NOP2: variants seen among roughly 807,000 people sequenced by gnomAD.
NOP2 encodes the protein 28S rRNA (cytosine(4447)-C(5))-methyltransferase.
In NOP2, 7 loss-of-function variants were observed where a neutral mutation model predicts 72.7. That is an observed-to-expected ratio of 0.10 (90% CI 0.05 to 0.18). NOP2 has a LOEUF of 0.18. NOP2 is among the 10% of genes least tolerant of loss of function. NOP2 has a pLI of 1.00. For missense variants in NOP2, 954 were observed against 1,014.7 expected (o/e 0.94, Z 0.81); for synonymous variants, 387 against 388.0 (o/e 1.00, Z 0.03).
chr12:6,563,137 G>T lies in NOP2; in HGVS notation c.922C>A (p.Arg308=). 1 of 1,597,520 alleles carries T rather than the reference G, an allele frequency of 6.3e-7. No individual in the cohort carries two copies. The highest frequency in any genetic ancestry group is 8.5e-7 in the Non-Finnish European group (1 of 1,172,300). Residue 308 remains arginine (R), a synonymous_variant, in exon 9 of 16, where the codon CGG becomes AGG. Coordinates refer to ENST00000322166, the MANE Select transcript of NOP2 (RefSeq NM_001258308.2). ...GTATTGGTCCGGAGGGTGACGGGCCGAGGCACCTCATTAGCTTCTAAGAAC... is the reference window on the plus strand; with the variant it reads ...GTATTGGTCCGGAGGGTGACGGGCCTAGGCACCTCATTAGCTTCTAAGAAC... ...VEFLEANEVP[R]PVTLRTNTLK...
rs773026498 is a variant in NOP2, at chr12:6,560,711, A to G, written c.1424T>C (p.Val475Ala). The G allele has an allele frequency of 6.2e-7, 1 of 1,613,540 alleles. No individual in the cohort carries two copies. The highest frequency in any genetic ancestry group is 8.5e-7 in the Non-Finnish European group (1 of 1,179,732). The change falls in exon 13 of 16, where the codon GTG becomes GCG. Residue 475 changes from valine (V) to alanine (A), a missense_variant. This residue lies in a region of NOP2 where 187 missense variants were observed against 276.2 expected (regional missense o/e 0.68). Coordinates refer to ENST00000322166, the MANE Select transcript of NOP2 (RefSeq NM_001258308.2). This position sits in a 1 kb window ranked among gnomAD's most constrained non-coding sequence, Gnocchi z 5.0. ...GTGVISKDPA[V>A]KTNKDEKDIL... ...CTGACTCCTCACCTTGTTAGTCTTCACGGCTGGATCCTTGGAGATGACCCC... is the reference window on the plus strand; with the variant it reads ...CTGACTCCTCACCTTGTTAGTCTTCGCGGCTGGATCCTTGGAGATGACCCC...
At position 6,566,730 on chromosome 12, in the gene NOP2, T is replaced by C. The variant is rs779130447; in HGVS notation, c.149+47A>G. ...CTAGAATTAACTCTGTGGTCAAAGATGAGCAGTACCAATTTAACCTACTTA... is the reference window on the plus strand; with the variant it reads ...CTAGAATTAACTCTGTGGTCAAAGACGAGCAGTACCAATTTAACCTACTTA... On this transcript the variant is annotated intron_variant, in intron 3 of 15. Coordinates refer to ENST00000322166, the MANE Select transcript of NOP2 (RefSeq NM_001258308.2). 4 of 1,597,626 alleles carry C rather than the reference T, an allele frequency of 2.5e-6. No homozygotes were observed. The South Asian group carries it at 4.4e-5, about 18-fold the overall frequency.
Position 6,560,676 on chromosome 12 carries a change from G to A in NOP2, c.1437+22C>T, listed in dbSNP as rs376130261. 1.9e-6 allele frequency: 3 copies of A among 1,612,654 alleles called. No individual in the cohort carries two copies. In the African/African-American group the frequency reaches 4.0e-5, roughly 22 times the overall value. ...CGAGACCCAGCCAAGGCCTCTCAGGGGCCCACCACCTGACTCCTCACCTTG... is the reference window on the plus strand; with the variant it reads ...CGAGACCCAGCCAAGGCCTCTCAGGAGCCCACCACCTGACTCCTCACCTTG... On this transcript the variant is annotated intron_variant, in intron 13 of 15. Coordinates refer to ENST00000322166, the MANE Select transcript of NOP2 (RefSeq NM_001258308.2). This position sits in a 1 kb window ranked among gnomAD's most constrained non-coding sequence, Gnocchi z 5.0.
rs375295172 is a variant in NOP2, at chr12:6,563,629, C to G, written c.673G>C (p.Gly225Arg). Residue 225 changes from glycine (G) to arginine (R), a missense_variant, in exon 7 of 16, where the codon GGG (glycine) becomes CGG (arginine). Coordinates refer to ENST00000322166, the MANE Select transcript of NOP2 (RefSeq NM_001258308.2). The stretch of plus-strand genomic sequence containing the variant: ...GCAAGGATATCCTGCTCCATCTCCC[C>G]AGCAGGGGGCAGCACAAATGGTTCC... ...DEEPFVLPPA[G>R]EMEQDAQAPD... is the part of the protein sequence containing the mutation. 8 of 1,612,154 alleles carry G rather than the reference C, an allele frequency of 5.0e-6. No homozygotes were observed. The highest frequency in any genetic ancestry group is 3.3e-4 in the Middle Eastern group (2 of 6,074).
At position 6,567,926 on chromosome 12, in the gene NOP2, T is replaced by G. The variant is rs947451986; in HGVS notation, c.-4-4A>C. 5 of 1,610,628 alleles carry G rather than the reference T, an allele frequency of 3.1e-6. No homozygotes were observed. Among genetic ancestry groups the G allele is most frequent in the African/African-American group, 1.3e-5 (1 of 74,742 alleles). On this transcript the variant is annotated splice_region_variant and splice_polypyrimidine_tract_variant and intron_variant, in intron 1 of 15. Transcript: ENST00000322166. ...GTCCAACTTGCGCCCCATGGTACTG[T>G]GGCAGGCAGAAATGGGAGAAGGTGG... is the stretch of plus-strand genomic sequence containing the variant.
At position 6,563,244 on chromosome 12, in the gene NOP2, G is replaced by A. The variant is rs75526285; in HGVS notation, c.888+71C>T. On this transcript the variant is annotated intron_variant, in intron 8 of 15. Coordinates refer to ENST00000322166, the MANE Select transcript of NOP2 (RefSeq NM_001258308.2). ...GTCAGAAGAGGGGAGCAAGGGGGCC[G>A]AACATCTTCCTTACACAGCGTAAGG... The A allele has an allele frequency of 9.2e-5, 143 of 1,545,996 alleles. 2 individuals carry two copies. The highest frequency in any genetic ancestry group is 5.8e-4 in the East Asian group (24 of 41,440).
At position 6,560,899 on chromosome 12, in the gene NOP2, A is replaced by C. The variant is rs975204748; in HGVS notation, c.1347+32T>G. The C allele has an allele frequency of 1.9e-6, 3 of 1,613,088 alleles. No individual in the cohort carries two copies. In the Admixed American group the frequency reaches 5.0e-5, roughly 27 times the overall value. The stretch of plus-strand genomic sequence containing the variant: ...AGGAAGGGAGAAGGTCAACCGGAAG[A>C]AGCCTCAGAAGACACACAGCTCGAG... On this transcript the variant is annotated intron_variant, in intron 12 of 15. Coordinates refer to ENST00000322166, the MANE Select transcript of NOP2 (RefSeq NM_001258308.2). This position sits in a 1 kb window ranked among gnomAD's most constrained non-coding sequence, Gnocchi z 5.0.
At chr12:6,563,844 AC>A (rs774387813) in intron 6 of NOP2, 46 bp downstream of exon 6, 4 of 1,612,840 alleles carry the variant, frequency 2.5e-6, no homozygotes, top group Admixed American at 1.7e-5. Flanking sequence ...CAGCTTCCCC[AC>A]CCCAGTGGCT....
chr12:6,563,483 G>C lies in NOP2; in HGVS notation c.720C>G (p.His240Gln), dbSNP rs374831227. The C allele has an allele frequency of 1.2e-6, 2 of 1,612,534 alleles. No homozygotes were observed. The highest frequency in any genetic ancestry group is 1.7e-6 in the Non-Finnish European group (2 of 1,179,336). Residue 240 changes from histidine to glutamine, a missense_variant, in exon 8 of 16, where the codon CAC becomes CAG. Around this residue, in one of 3 missense-constraint regions of NOP2, gnomAD observed 498 missense variants for 478.3 expected, o/e 1.04. Coordinates refer to ENST00000322166, the MANE Select transcript of NOP2 (RefSeq NM_001258308.2). ...DAQAPDLQRVHKRIQDIVGIL... is the reference protein window; with the variant it reads ...DAQAPDLQRVQKRIQDIVGIL... ...TTCCCACAATATCCTGGATCCGCTTGTGAACTCGTTGCAGGTCTGGAGCCT... is the reference window on the plus strand; with the variant it reads ...TTCCCACAATATCCTGGATCCGCTTCTGAACTCGTTGCAGGTCTGGAGCCT...
chr12:6,562,962 C>T (rs750810828), intron 9 of NOP2, 119 bp downstream of exon 9: 3 of 1,006,390 alleles, frequency 3.0e-6, no homozygotes, highest in African/African-American at 3.2e-5. Context: ...GGTTTGCCCC[C>T]CCAGGATCAT....
chr12:6,556,993 C>CT lies in NOP2; in HGVS notation c.2438dup (p.Ter813=). ...SRGNSQLLLS[*] is the part of the protein sequence containing the mutation. ...AGCCACCCGTCTAGTTTTCAACCATCTAAGATAGCAGCAGCTGGCTGTTGC... is the reference window on the plus strand; with the variant it reads ...AGCCACCCGTCTAGTTTTCAACCATCTTAAGATAGCAGCAGCTGGCTGTTGC... Residue 813 remains the stop codon, a frameshift_variant and stop_retained_variant, in exon 16 of 16, where the codon TAG becomes TAAG. Coordinates refer to ENST00000322166, the MANE Select transcript of NOP2 (RefSeq NM_001258308.2). LOFTEE classifies it high-confidence loss of function. 1 of 1,613,960 alleles carries CT rather than the reference C, an allele frequency of 6.2e-7. No individual in the cohort carries two copies. The highest frequency in any genetic ancestry group is 8.5e-7 in the Non-Finnish European group (1 of 1,179,882).
intron 5 of NOP2, among the ~76,000 whole-genome samples, chr12:6,565,773 C>A (rs547446322): frequency 2.0e-5 from 3 of 152,266 alleles, no homozygotes; most frequent in Admixed American, 2.0e-4. Context: ...CCATACCCAG[C>A]CAAAAGGAAC....
intron 5 of NOP2, among the ~76,000 whole-genome samples, 156 bp downstream of exon 5, chr12:6,565,945 G>A (rs1947768501): frequency 6.6e-6 from 1 of 151,962 alleles, no homozygotes; most frequent in Non-Finnish European, 1.5e-5. Context: ...TAGTGCACTG[G>A]GAGGATATAA....
In NOP2 at chr12:6,563,925, C is replaced by T. The variant is rs1947713547; in HGVS notation, c.496G>A (p.Ala166Thr). ...GEALLPIERA[A>T]RKQKAREAAA... ...GCTTCCCGGGCCTTCTGCTTCCGAG[C>T]AGCTCTTTCAATGGGCAGCAACTGA... The change falls in exon 6 of 16, where the codon GCT (alanine) becomes ACT (threonine). Residue 166 changes from alanine (A) to threonine (T), a missense_variant. By Grantham distance (58) the Ala-to-Thr change is moderately conservative. Transcript: ENST00000322166. 1.2e-6 allele frequency: 2 copies of T among 1,613,642 alleles called. No individual in the cohort carries two copies. The highest frequency in any genetic ancestry group is 1.7e-6 in the Non-Finnish European group (2 of 1,179,726).
At position 6,564,355 on chromosome 12, in the gene NOP2, T is replaced by C. The variant is rs2136176218; in HGVS notation, c.475-409A>G. On this transcript the variant is annotated intron_variant, in intron 5 of 15. Transcript: ENST00000322166. ...TTTCTACTATTATGTTTTTCACTTTTCCATTAAGAAAAAAAAAAAACTTGA... is the reference window on the plus strand; with the variant it reads ...TTTCTACTATTATGTTTTTCACTTTCCCATTAAGAAAAAAAAAAAACTTGA... 1.7e-5 allele frequency: 3 copies of C among 178,292 alleles called. No individual in the cohort carries two copies. In the South Asian group the frequency reaches 2.7e-4, roughly 16 times the overall value. The allele number at this position is 178,292 out of a possible 1,614,324, so 11.0% of individuals were successfully genotyped here.
In NOP2 at chr12:6,556,957, C is replaced by G. The variant is rs752886492; in HGVS notation, c.*36G>C. ...AGAGGCAAGAGTTCCAACCTGGTGA[C>G]AATGGCAGTGAGCCACCCGTCTAGT... On this transcript the variant is annotated 3_prime_UTR_variant, in exon 16 of 16. Coordinates refer to ENST00000322166, the MANE Select transcript of NOP2 (RefSeq NM_001258308.2). 1.2e-6 allele frequency: 2 copies of G among 1,611,720 alleles called. No homozygotes were observed. Among genetic ancestry groups the G allele is most frequent in the African/African-American group, 2.7e-5 (2 of 74,864 alleles).
In NOP2 at chr12:6,563,514, T is replaced by C. The variant is rs776449166; in HGVS notation, c.689A>G (p.Asp230Gly). 4 of 1,612,576 alleles carry C rather than the reference T, an allele frequency of 2.5e-6. No individual in the cohort carries two copies. The African/African-American group carries it at 5.3e-5, about 22-fold the overall frequency. Residue 230 changes from aspartate (D) to glycine (G), a missense_variant and splice_region_variant, in exon 8 of 16, where the codon GAT (aspartate) becomes GGT (glycine). Around this residue, in one of 3 missense-constraint regions of NOP2, gnomAD observed 498 missense variants for 478.3 expected, o/e 1.04. Transcript: ENST00000322166. Reference sequence around the variant, plus strand: ...TCGTTGCAGGTCTGGAGCCTGGGCATGTGGGCCTGTTAAGGAACTGTGTCA... The same window carrying C: ...TCGTTGCAGGTCTGGAGCCTGGGCACGTGGGCCTGTTAAGGAACTGTGTCA... ...VLPPAGEMEQ[D>G]AQAPDLQRVH...
At chr12:6,564,694 G>A (rs372009304) in intron 5 of NOP2, among the ~76,000 whole-genome samples, 4 of 150,794 alleles carry the variant, frequency 2.7e-5, no homozygotes, top group African/African-American at 9.7e-5. Context: ...CTCCCAAAGT[G>A]CTGGGATTAC....
At position 6,557,363 on chromosome 12, in the gene NOP2, C is replaced by G; in HGVS notation, c.2069G>C (p.Arg690Thr). 1 of 1,614,042 alleles carries G rather than the reference C, an allele frequency of 6.2e-7. No homozygotes were observed. Among genetic ancestry groups the G allele is most frequent in the Non-Finnish European group, 8.5e-7 (1 of 1,179,890 alleles). Residue 690 changes from arginine to threonine, a missense_variant, in exon 16 of 16, where the codon AGG becomes ACG. Transcript: ENST00000322166. Reference sequence around the variant, plus strand: ...TAGCTTCCCAGTCACCTTTGGCTCCCTGATCCCTTCGGCTTTTCCAGCTGG... The same window carrying G: ...TAGCTTCCCAGTCACCTTTGGCTCCGTGATCCCTTCGGCTTTTCCAGCTGG... ...SQPAGKAEGIREPKVTGKLKQ... is the reference protein window; with the variant it reads ...SQPAGKAEGITEPKVTGKLKQ...
Sources: gnomAD v4.1 joint callset for allele counts (sites outside exome capture counted in the v4.1 genomes callset) on GRCh38, gnomAD v4.1.1 for gene constraint, gnomAD v4.1.1 regional missense constraint, Gnocchi (gnomAD v3.1) non-coding constraint, MANE v1.5 for transcripts, NCBI Gene and HGNC (gene_info 2026-07-23, HGNC 2026-07-21) for gene names.